Variants in HIP1 observed in about 807,000 individuals in gnomAD.
HIP1 encodes the protein huntingtin interacting protein 1, also known as huntingtin-interacting protein 1.
HIP1 carries 65 observed loss-of-function variants against 147.6 expected under a neutral mutation model. The observed-to-expected ratio is 0.44, with a 90% CI of 0.36 to 0.54. The LOEUF (loss-of-function observed/expected upper bound fraction) is 0.54, where lower values mean the gene tolerates loss of function less well. Among genes scored for constraint, HIP1 ranks in the 20% least tolerant of loss-of-function variants. The pLI is 0.00. For synonymous variants in HIP1, 479 were observed against 504.0 expected, an observed-to-expected ratio of 0.95 and a Z score of 0.67; for missense variants, 1,061 against 1,299.6, an observed-to-expected ratio of 0.82 and a Z score of 2.82.
intron 1 of HIP1, among the ~76,000 whole-genome samples, chr7:75,725,476 A>C (rs1584981965): frequency 6.6e-6 from 1 of 152,126 alleles, no homozygotes; most frequent in Non-Finnish European, 1.5e-5. Flanking sequence ...CCACCCTCCC[A>C]ATCACCAACC....
intron 14 of HIP1, among the ~76,000 whole-genome samples, chr7:75,559,471 T>C (rs1279175100): frequency 2.6e-5 from 4 of 152,150 alleles, no homozygotes; most frequent in African/African-American, 7.2e-5. Context: ...TCCCTTAGTA[T>C]CCACTGCCCA....
chr7:75,700,625 G>C, intron 1 of HIP1, among the ~76,000 whole-genome samples: 1 of 152,036 alleles, frequency 6.6e-6, no homozygotes, highest in Non-Finnish European at 1.5e-5. Context: ...ACACAGCCAC[G>C]GCAGAGACAA....
In HIP1 at chr7:75,536,132, C is replaced by T. The variant is rs1554488592; in HGVS notation, c.*2040G>A. 5.1e-6 allele frequency: 1 copy of T among 196,386 alleles called. No individual in the cohort carries two copies. The highest frequency in any genetic ancestry group is 1.1e-5 in the Non-Finnish European group (1 of 94,592). The allele number at this position is 196,386 out of a possible 1,614,324, so 12.2% of individuals were successfully genotyped here. On this transcript the variant is annotated 3_prime_UTR_variant, in exon 31 of 31. Coordinates refer to ENST00000336926, the MANE Select transcript of HIP1 (RefSeq NM_005338.7). The stretch of plus-strand genomic sequence containing the variant: ...ACACCGATTGGTTTAGTTGCCACAA[C>T]TGGGACAGGGAAGCCACGCACCATT...
At chr7:75,710,191 C>T (rs1166809227) in intron 1 of HIP1, among the ~76,000 whole-genome samples, 2 of 152,106 alleles carry the variant, frequency 1.3e-5, no homozygotes, top group African/African-American at 2.4e-5. Context: ...AGCCACTGTG[C>T]CTGGCATATT....
chr7:75,581,988 C>G (rs587638225), intron 6 of HIP1, 87 bp downstream of exon 6: 18 of 1,092,838 alleles, frequency 1.6e-5, no homozygotes, highest in African/African-American at 1.1e-4. Context: ...CGGCCTCCCC[C>G]CATCAGGCCC....
At position 75,664,596 on chromosome 7, in the gene HIP1, GGAGA is replaced by G. The variant is rs145351179; in HGVS notation, c.121-65353_121-65350del. Among the ~76,000 whole-genome samples the G allele has an allele frequency of 7.9e-4, 91 of 115,196 alleles. 1 individual carries two copies. The highest frequency in any genetic ancestry group is 1.2e-3 in the African/African-American group (41 of 34,898). The allele number at this position is 115,196 out of a possible 152,430, so 75.6% of individuals were successfully genotyped here. ...TATACATACATATATATATGTATAG[GGAGA>G]GAGAGAGAGAGAGAGAGACAGGCAG... On this transcript the variant is annotated intron_variant, in intron 1 of 30. Transcript: ENST00000336926.
intron 1 of HIP1, among the ~76,000 whole-genome samples, chr7:75,604,050 C>T (rs1305938566): frequency 6.6e-6 from 1 of 152,094 alleles, no homozygotes; most frequent in Non-Finnish European, 1.5e-5. Context: ...ACTGTCTTCC[C>T]TGTACATTTC....
chr7:75,641,045 G>T (rs946684516), intron 1 of HIP1, among the ~76,000 whole-genome samples: 1 of 151,872 alleles, frequency 6.6e-6, no homozygotes, highest in Non-Finnish European at 1.5e-5. Flanking sequence ...GGTGGTTCAC[G>T]CCTCTAATCC....
At chr7:75,652,125 G>A (rs999147429) in intron 1 of HIP1, among the ~76,000 whole-genome samples, 3 of 151,344 alleles carry the variant, frequency 2.0e-5, no homozygotes, top group Non-Finnish European at 4.4e-5. Context: ...AGACCAGCCT[G>A]GCCAACATGG....
intron 1 of HIP1, among the ~76,000 whole-genome samples, chr7:75,653,048 T>C (rs1176279317): frequency 3.3e-5 from 5 of 152,072 alleles, no homozygotes; most frequent in African/African-American, 9.7e-5. Context: ...AAACAATATA[T>C]GTGGGTGTGT....
At chr7:75,671,306 C>G (rs1315162435) in intron 1 of HIP1, among the ~76,000 whole-genome samples, 2 of 152,104 alleles carry the variant, frequency 1.3e-5, no homozygotes, top group African/African-American at 4.8e-5. Flanking sequence ...GTTGGCTAGG[C>G]TGGTCTCAAA....
At chr7:75,591,409 G>A (rs888817433) in intron 4 of HIP1, among the ~76,000 whole-genome samples, 34 of 152,080 alleles carry the variant, frequency 2.2e-4, no homozygotes, top group African/African-American at 8.2e-4. Context: ...GGTGATTGTG[G>A]TGTGTGTACA....
Position 75,659,494 on chromosome 7 carries a change from C to T in HIP1, c.121-60247G>A, listed in dbSNP as rs527317611. 4.7e-3 allele frequency among the ~76,000 whole-genome samples: 716 copies of T among 152,044 alleles called. 5 individuals carry two copies. Among genetic ancestry groups the T allele is most frequent in the Non-Finnish European group, 6.6e-3 (448 of 67,972 alleles). ...CAAAACCCCGTCTCTACAAAAAATA[C>T]AAAAATTAGCCAGGTATGGTGGCGC... On this transcript the variant is annotated intron_variant, in intron 1 of 30. Coordinates refer to ENST00000336926, the MANE Select transcript of HIP1 (RefSeq NM_005338.7).
intron 11 of HIP1, 50 bp from the exon 12 acceptor site, chr7:75,562,220 C>G (rs782111949): frequency 8.2e-7 from 1 of 1,213,690 alleles, no homozygotes; most frequent in Non-Finnish European, 1.2e-6. Flanking sequence ...CCAGAGAATT[C>G]TGTGTGTGGG....
At chr7:75,721,291 T>C (rs1801497322) in intron 1 of HIP1, among the ~76,000 whole-genome samples, 1 of 151,988 alleles carries the variant, frequency 6.6e-6, no homozygotes, top group African/African-American at 2.4e-5. Flanking sequence ...GCAGAATTGC[T>C]TGAACCTGGG....
intron 1 of HIP1, among the ~76,000 whole-genome samples, chr7:75,651,936 G>T (rs1337966359): frequency 7.1e-6 from 1 of 141,766 alleles, no homozygotes; most frequent in Non-Finnish European, 1.5e-5. Flanking sequence ...TTGAACCCGT[G>T]AGGCGGAGGT....
chr7:75,595,280 C>CT (rs1177431465), intron 2 of HIP1, among the ~76,000 whole-genome samples: 3,208 of 110,886 alleles, frequency 0.029, 117 homozygotes, highest in African/African-American at 0.06. Context: ...TCCTTCCTTC[C>CT]TTCCTTTCTT....
At chr7:75,565,636 A>G (rs1442659383) in intron 9 of HIP1, among the ~76,000 whole-genome samples, 1 of 152,056 alleles carries the variant, frequency 6.6e-6, no homozygotes, top group Admixed American at 6.5e-5. Flanking sequence ...GCACTTTTAC[A>G]CAGCTAAGTC....
Position 75,664,352 on chromosome 7 carries a change from G to A in HIP1, c.121-65105C>T, listed in dbSNP as rs1368708566. 4.8e-5 allele frequency among the ~76,000 whole-genome samples: 3 copies of A among 62,732 alleles called. No homozygotes were observed. In the South Asian group the frequency reaches 1.5e-3, roughly 31 times the overall value. 41.2% of individuals were successfully genotyped at this position (62,732 alleles called of 152,430 possible). A position where few individuals can be genotyped will look rare whatever the true frequency, so the allele number is the denominator to read the frequency against. On this transcript the variant is annotated intron_variant, in intron 1 of 30. Transcript: ENST00000336926. ...TGCATATATATGTGTGTATGTATAC[G>A]TATACATACATATATACACATACAT...
Sources: gnomAD v4.1 joint callset for allele counts (sites outside exome capture counted in the v4.1 genomes callset) on GRCh38, gnomAD v4.1.1 for gene constraint, MANE v1.5 for transcripts, NCBI Gene and HGNC (gene_info 2026-07-23, HGNC 2026-07-21) for gene names.